Variants in TRPC4 observed in about 807,000 individuals in gnomAD.
TRPC4 encodes the protein transient receptor potential cation channel subfamily C member 4.
In TRPC4, 49 loss-of-function variants were observed where a neutral mutation model predicts 99.4. The ratio of observed to expected loss-of-function variants is 0.49; its 90% CI spans 0.39 to 0.63. The LOEUF (loss-of-function observed/expected upper bound fraction) is 0.63, where lower values mean the gene tolerates loss of function less well. TRPC4 is among the 20% of genes least tolerant of loss of function. The pLI, the probability that TRPC4 is intolerant of heterozygous loss-of-function variation, is 0.00. For missense variants in TRPC4, 898 were observed against 1,152.9 expected, an observed-to-expected ratio of 0.78 and a Z score of 3.20; for synonymous variants, 454 against 425.9, an observed-to-expected ratio of 1.07 and a Z score of -0.81.
At chr13:37,731,813 A>T (rs368466172) in intron 3 of TRPC4, among the ~76,000 whole-genome samples, 1 of 152,090 alleles carries the variant, frequency 6.6e-6, no homozygotes. Flanking sequence ...TTATCGAAGT[A>T]GTACGTCCCT....
intron 1 of TRPC4, among the ~76,000 whole-genome samples, chr13:37,856,676 A>G (rs1423102071): frequency 6.6e-6 from 1 of 151,836 alleles, no homozygotes; most frequent in Admixed American, 6.6e-5. Flanking sequence ...TAGAAAGGTC[A>G]TTCATCATGA....
At chr13:37,763,655 C>T (rs2139252523) in intron 2 of TRPC4, among the ~76,000 whole-genome samples, 1 of 151,524 alleles carries the variant, frequency 6.6e-6, no homozygotes, top group East Asian at 2.0e-4. Flanking sequence ...AGAGATTGGA[C>T]TAAACCAAAA....
intron 1 of TRPC4, among the ~76,000 whole-genome samples, chr13:37,822,551 A>G (rs12561559): frequency 0.32 from 47,710 of 149,870 alleles, 7,755 homozygotes; most frequent in East Asian, 0.53. Flanking sequence ...ATAGTTTACT[A>G]AGAATGATGA....
chr13:37,829,213 A>T (rs1172564596), intron 1 of TRPC4, among the ~76,000 whole-genome samples: 2 of 152,208 alleles, frequency 1.3e-5, no homozygotes, highest in East Asian at 3.8e-4. Context: ...AATCATGTCT[A>T]CCAAAGGTCT....
intron 8 of TRPC4, among the ~76,000 whole-genome samples, chr13:37,645,888 G>A (rs1208061674): frequency 6.6e-6 from 1 of 152,264 alleles, no homozygotes; most frequent in South Asian, 2.1e-4. Context: ...ATATATCCCC[G>A]CTGGGGAAAT....
chr13:37,823,132 T>C (rs1477215191), intron 1 of TRPC4, among the ~76,000 whole-genome samples: 1 of 151,418 alleles, frequency 6.6e-6, no homozygotes, highest in Non-Finnish European at 1.5e-5. Flanking sequence ...GTTTTTTTCT[T>C]GTAAATTTGT....
intron 3 of TRPC4, among the ~76,000 whole-genome samples, chr13:37,744,787 A>G (rs1262454601): frequency 2.6e-5 from 4 of 152,194 alleles, no homozygotes; most frequent in Non-Finnish European, 5.9e-5. Context: ...ACTATCATTT[A>G]AGAGTGAACA....
chr13:37,774,230 T>C (rs1035986125), intron 2 of TRPC4, among the ~76,000 whole-genome samples: 6 of 151,812 alleles, frequency 4.0e-5, no homozygotes, highest in African/African-American at 7.2e-5. Flanking sequence ...TTTACAACTA[T>C]AAATTTCTCT....
At chr13:37,847,089 A>G (rs904490126) in intron 1 of TRPC4, among the ~76,000 whole-genome samples, 2 of 152,196 alleles carry the variant, frequency 1.3e-5, no homozygotes, top group East Asian at 1.9e-4. Flanking sequence ...GAAAGATACT[A>G]TAATAATAGG....
intron 1 of TRPC4, among the ~76,000 whole-genome samples, chr13:37,862,201 G>A (rs1959389842): frequency 6.6e-6 from 1 of 151,382 alleles, no homozygotes; most frequent in South Asian, 2.1e-4. Flanking sequence ...GTAGGGTGGT[G>A]AGAATCCAGG....
chr13:37,652,361 A>C (rs1566069496), intron 7 of TRPC4, among the ~76,000 whole-genome samples: 1 of 152,246 alleles, frequency 6.6e-6, no homozygotes. Context: ...ACTAGGCTTC[A>C]TTTTGATATT....
chr13:37,837,844 C>G (rs146541564), intron 1 of TRPC4, among the ~76,000 whole-genome samples: 1,571 of 152,246 alleles, frequency 0.01, 11 homozygotes, highest in Non-Finnish European at 0.017. Context: ...TGTCCCCACT[C>G]AAATCTCATC....
intron 1 of TRPC4, 132 bp from the exon 2 acceptor site, chr13:37,783,492 T>C: frequency 1.9e-6 from 1 of 523,526 alleles, no homozygotes; most frequent in Non-Finnish European, 2.9e-6. Flanking sequence ...AGAGTTAAGG[T>C]TTTTTTTTTT....
At chr13:37,666,844 C>G (rs1424895232) in intron 5 of TRPC4, among the ~76,000 whole-genome samples, 3 of 152,102 alleles carry the variant, frequency 2.0e-5, no homozygotes, top group African/African-American at 7.2e-5. Context: ...CAAGCTTCCT[C>G]TCTTCTCATT....
intron 3 of TRPC4, among the ~76,000 whole-genome samples, chr13:37,724,212 C>T (rs1954962830): frequency 6.6e-6 from 1 of 151,936 alleles, no homozygotes; most frequent in East Asian, 1.9e-4. Flanking sequence ...AACATAATCC[C>T]ATTTATATAT....
At chr13:37,652,833 C>T (rs948256988) in intron 7 of TRPC4, among the ~76,000 whole-genome samples, 7 of 79,244 alleles carry the variant, frequency 8.8e-5, no homozygotes, top group African/African-American at 2.6e-4. Context: ...ATTATGTTAT[C>T]TTATTGCAAT....
At chr13:37,798,346 A>G (rs1957309194) in intron 1 of TRPC4, among the ~76,000 whole-genome samples, 1 of 152,176 alleles carries the variant, frequency 6.6e-6, no homozygotes, top group Non-Finnish European at 1.5e-5. Flanking sequence ...AAATTGAGGA[A>G]TTAAATTACC....
In TRPC4 at chr13:37,637,185, A is replaced by G. The variant is rs997127463; in HGVS notation, c.2652T>C (p.Ile884=). 16 of 1,613,744 alleles carry G rather than the reference A, an allele frequency of 9.9e-6. No individual in the cohort carries two copies. The African/African-American group carries it at 2.0e-4, about 20-fold the overall frequency. ...AAGCTAATCCTCGAGATTCCAGTTG[A>G]ATATTTCTCTCAAGTGGTCCTGCAG... The part of the protein sequence containing the change: ...QQAAGPLERN[I]QLESRGLASR... Residue 884 remains isoleucine, a synonymous_variant, in exon 11 of 11, where the codon ATT becomes ATC. Coordinates refer to ENST00000379705, the MANE Select transcript of TRPC4 (RefSeq NM_016179.4).
intron 3 of TRPC4, among the ~76,000 whole-genome samples, chr13:37,721,406 G>C (rs1019924788): frequency 6.6e-6 from 1 of 152,070 alleles, no homozygotes. Flanking sequence ...ATATATTTCA[G>C]CACTAATGTT....
Sources: gnomAD v4.1 joint callset for allele counts (sites outside exome capture counted in the v4.1 genomes callset) on GRCh38, gnomAD v4.1.1 for gene constraint, MANE v1.5 for transcripts, NCBI Gene and HGNC (gene_info 2026-07-23, HGNC 2026-07-21) for gene names.